SLCO2A1: variants seen among roughly 807,000 people sequenced by gnomAD.
SLCO2A1 encodes matrin F/G 1.
In SLCO2A1, 60 loss-of-function variants were observed where a neutral mutation model predicts 71.7. That is an observed-to-expected ratio of 0.84 (90% CI 0.68 to 1.04). The LOEUF is 1.04. Ranked by LOEUF, SLCO2A1 falls within the 50% of genes least tolerant of loss-of-function variation. The pLI, the probability that SLCO2A1 is intolerant of heterozygous loss-of-function variation, is 0.00. For synonymous variants in SLCO2A1, 308 were observed against 326.7 expected (o/e 0.94, Z 0.62); for missense variants, 745 against 813.4 (o/e 0.92, Z 1.02).
At chr3:133,990,309 T>C (rs1198374772) in intron 1 of SLCO2A1, among the ~76,000 whole-genome samples, 1 of 152,238 alleles carries the variant, frequency 6.6e-6, no homozygotes, top group Non-Finnish European at 1.5e-5. Flanking sequence ...TTCTCCTTTT[T>C]CTTCATTAGT....
At chr3:134,017,387 A>T (rs1015192760) in intron 1 of SLCO2A1, among the ~76,000 whole-genome samples, 5 of 152,144 alleles carry the variant, frequency 3.3e-5, no homozygotes, top group Non-Finnish European at 7.4e-5. Context: ...GACTTTCTCT[A>T]TGGTGGCTCA....
chr3:133,955,264 G>T, intron 3 of SLCO2A1, 71 bp from the exon 4 acceptor site: 1 of 1,391,574 alleles, frequency 7.2e-7, no homozygotes, highest in Non-Finnish European at 9.8e-7. Flanking sequence ...TCCAAACCCG[G>T]CCTTTCTCCC....
chr3:133,990,256 C>T (rs1455396499), intron 1 of SLCO2A1, among the ~76,000 whole-genome samples: 1 of 152,234 alleles, frequency 6.6e-6, no homozygotes, highest in Non-Finnish European at 1.5e-5. Flanking sequence ...ATCTTTCATC[C>T]ACTCATAGTC....
rs145043546 is a variant in SLCO2A1, at chr3:133,964,261, G to C, written c.398-9068C>G. ...TGGCTCTACTGCTTGATAGTCAGAG[G>C]CCTCTCGGAATGAACCTCAGTGTCC... On this transcript the variant is annotated intron_variant, in intron 3 of 13. Transcript: ENST00000310926. Among the ~76,000 whole-genome samples, 32 of 152,224 alleles carry C rather than the reference G, an allele frequency of 2.1e-4. No homozygotes were observed. In the East Asian group the frequency reaches 3.9e-3, roughly 18 times the overall value.
At chr3:134,012,998 C>A (rs4854789) in intron 1 of SLCO2A1, among the ~76,000 whole-genome samples, 16,673 of 152,200 alleles carry the variant, frequency 0.11, 1,186 homozygotes, top group East Asian at 0.37. Context: ...CAGTCCTGGG[C>A]AAATGAAGAC....
At chr3:134,012,165 T>C (rs1935359283) in intron 1 of SLCO2A1, among the ~76,000 whole-genome samples, 1 of 152,204 alleles carries the variant, frequency 6.6e-6, no homozygotes, top group South Asian at 2.1e-4. Context: ...GAGCCTAGTT[T>C]GGCTTTCAGA....
chr3:133,991,406 T>C (rs1023768138), intron 1 of SLCO2A1, among the ~76,000 whole-genome samples: 2 of 152,232 alleles, frequency 1.3e-5, no homozygotes, highest in Non-Finnish European at 2.9e-5. Context: ...GGAATGACTC[T>C]TTCAAGAAGT....
At chr3:133,950,722 C>G (rs900515428) in intron 6 of SLCO2A1, among the ~76,000 whole-genome samples, 5 of 152,206 alleles carry the variant, frequency 3.3e-5, no homozygotes, top group African/African-American at 1.2e-4. Flanking sequence ...CTTTCCCCAG[C>G]AGGCGTGACT....
At chr3:133,992,049 T>G (rs915360716) in intron 1 of SLCO2A1, among the ~76,000 whole-genome samples, 2 of 152,188 alleles carry the variant, frequency 1.3e-5, no homozygotes, top group African/African-American at 4.8e-5. Flanking sequence ...AGGGGAACTC[T>G]CTGAGCAAAG....
Position 134,019,923 on chromosome 3 carries a change from CAAAG to C in SLCO2A1, c.96+9780_96+9783del, listed in dbSNP as rs537148733. Among the ~76,000 whole-genome samples the C allele has an allele frequency of 1.7e-3, 257 of 151,962 alleles. 1 individual carries two copies. Among genetic ancestry groups the C allele is most frequent in the African/African-American group, 5.7e-3 (235 of 41,442 alleles). On this transcript the variant is annotated intron_variant, in intron 1 of 13. Coordinates refer to ENST00000310926, the MANE Select transcript of SLCO2A1 (RefSeq NM_005630.3). ...TTGTCTTATGCCCAATTTCTGCCTCCAAAGAAAGAAAAAGTAAAAACTAAAAGGC... is the reference window on the plus strand; with the variant it reads ...TTGTCTTATGCCCAATTTCTGCCTCCAAAGAAAAAGTAAAAACTAAAAGGC...
chr3:133,935,957 G>A, intron 12 of SLCO2A1, 60 bp from the exon 13 acceptor site: 1 of 1,452,388 alleles, frequency 6.9e-7, no homozygotes, highest in Admixed American at 2.3e-5. Context: ...TGTCCAGCAG[G>A]GGTGTGGGAG....
At chr3:133,941,653 A>G (rs901015488) in intron 11 of SLCO2A1, among the ~76,000 whole-genome samples, 1 of 152,060 alleles carries the variant, frequency 6.6e-6, no homozygotes, top group South Asian at 2.1e-4. Flanking sequence ...AGAAGCATTC[A>G]TTGCCAGCTG....
chr3:134,022,622 C>T (rs1355319353), intron 1 of SLCO2A1, among the ~76,000 whole-genome samples: 1 of 152,016 alleles, frequency 6.6e-6, no homozygotes, highest in Non-Finnish European at 1.5e-5. Context: ...TAAAAAGAGT[C>T]TATAAAATCT....
intron 1 of SLCO2A1, among the ~76,000 whole-genome samples, chr3:134,000,376 G>A (rs944270346): frequency 1.3e-5 from 2 of 152,080 alleles, no homozygotes; most frequent in Non-Finnish European, 2.9e-5. Context: ...GTAGGGATGG[G>A]GGTGCATACA....
chr3:133,935,049 C>G (rs999948178), intron 13 of SLCO2A1, among the ~76,000 whole-genome samples: 1 of 152,112 alleles, frequency 6.6e-6, no homozygotes, highest in Non-Finnish European at 1.5e-5. Context: ...TAATCCAGGG[C>G]TCATCATCCC....
intron 3 of SLCO2A1, among the ~76,000 whole-genome samples, chr3:133,957,163 C>T (rs576211733): frequency 3.9e-5 from 6 of 152,316 alleles, no homozygotes; most frequent in South Asian, 4.1e-4. Context: ...CCATCGCTGA[C>T]GTCACCGATC....
chr3:133,959,558 C>T (rs748979655), intron 3 of SLCO2A1, among the ~76,000 whole-genome samples: 1 of 152,074 alleles, frequency 6.6e-6, no homozygotes, highest in African/African-American at 2.4e-5. Flanking sequence ...GGCGTGACGG[C>T]GCGCACCTGT....
chr3:134,004,444 C>T (rs1369397934), intron 1 of SLCO2A1, among the ~76,000 whole-genome samples: 1 of 152,224 alleles, frequency 6.6e-6, no homozygotes, highest in Admixed American at 6.5e-5. Context: ...AGGCAATTCT[C>T]CTGCCTCAGC....
intron 1 of SLCO2A1, among the ~76,000 whole-genome samples, chr3:134,013,946 G>A (rs778224651): frequency 3.3e-4 from 50 of 151,950 alleles, no homozygotes; most frequent in Non-Finnish European, 1.0e-4. Context: ...TTCCCTTCTA[G>A]AATTCAGGGC....
Sources: allele counts gnomAD v4.1 joint callset (sites outside exome capture counted in the v4.1 genomes callset), GRCh38; gene constraint gnomAD v4.1.1; transcripts MANE v1.5; gene names NCBI Gene and HGNC (gene_info 2026-07-23, HGNC 2026-07-21).